The following CASKIN2 variants were observed in gnomAD, a reference collection of about 807,000 sequenced individuals.
CASKIN2 encodes caskin-2.
A neutral mutation model predicts 107.1 loss-of-function variants in CASKIN2; 41 were observed. That is an observed-to-expected ratio of 0.38 (90% confidence interval 0.30 to 0.50). The LOEUF (loss-of-function observed/expected upper bound fraction) is 0.50, where lower values mean the gene tolerates loss of function less well. Among genes scored for constraint, CASKIN2 ranks in the 20% least tolerant of loss-of-function variants. CASKIN2 has a pLI of 0.92. For missense variants in CASKIN2, 1,546 were observed against 1,657.4 expected (o/e 0.93, Z 1.17); for synonymous variants, 724 against 705.6 (o/e 1.03, Z -0.41).
At chr17:75,504,384 T>A in intron 13 of CASKIN2, 36 bp downstream of exon 13, 2 of 1,599,862 alleles carry the variant, frequency 1.3e-6, no homozygotes, top group Non-Finnish European at 1.7e-6. Flanking sequence ...TACTTGCACC[T>A]CTCCTAGCCA....
At chr17:75,509,546 G>T (rs2037998620) in intron 2 of CASKIN2, 1 of 984,762 alleles carries the variant, frequency 1.0e-6, no homozygotes, top group Non-Finnish European at 1.2e-6. Flanking sequence ...GAGGGACAAA[G>T]CGCTAAAGGG....
intron 3 of CASKIN2, 171 bp from the exon 4 acceptor site, chr17:75,507,852 G>C (rs988116619): frequency 6.6e-6 from 4 of 604,778 alleles, no homozygotes; most frequent in Non-Finnish European, 1.2e-5. Context: ...GCATGAAAGG[G>C]CTCAGTGTCT....
chr17:75,504,839 G>A lies in CASKIN2; in HGVS notation c.1165C>T (p.Arg389Trp), dbSNP rs376318435. 28 of 1,611,432 alleles carry A rather than the reference G, an allele frequency of 1.7e-5. No individual in the cohort carries two copies. Among genetic ancestry groups the A allele is most frequent in the African/African-American group, 2.7e-5 (2 of 74,866 alleles). Residue 389 changes from arginine (R) to tryptophan (W), a missense_variant, in exon 11 of 20, where the codon CGG (arginine) becomes TGG (tryptophan). Transcript: ENST00000321617. ...PHPLTYSQLP[R>W]VGLSPDSPAG... ...GGGCTGTCTGGGCTGAGGCCCACCCGAGGAAGCTGGCTGTAGGTAAGAGGG... is the reference window on the plus strand; with the variant it reads ...GGGCTGTCTGGGCTGAGGCCCACCCAAGGAAGCTGGCTGTAGGTAAGAGGG...
chr17:75,506,360 G>A lies in CASKIN2; in HGVS notation c.671C>T (p.Ala224Val), dbSNP rs1475093006. 10 of 1,611,794 alleles carry A rather than the reference G, an allele frequency of 6.2e-6. No homozygotes were observed. The highest frequency in any genetic ancestry group is 4.0e-5 in the African/African-American group (3 of 74,880). ...GCCATACAGTGCGGCCTCGTGGAGC[G>A]CCGTACCCGTCTTGGTCTGGCGGTT... ...EINRQTKTGT[A>V]LHEAALYGKT... is the part of the protein sequence containing the mutation. Residue 224 changes from alanine (A) to valine (V), a missense_variant, in exon 8 of 20, where the codon GCG becomes GTG. This residue lies in a region of CASKIN2 where 62 missense variants were observed against 81.1 expected (regional missense o/e 0.76). Coordinates refer to ENST00000321617, the MANE Select transcript of CASKIN2 (RefSeq NM_020753.5). This position sits in a 1 kb window ranked among gnomAD's most constrained non-coding sequence, Gnocchi z 4.8.
Position 75,509,548 on chromosome 17 carries a change from G to A in CASKIN2, c.95-1263C>T, listed in dbSNP as rs1001453499. 1.2e-5 allele frequency: 12 copies of A among 984,676 alleles called. No homozygotes were observed. In the South Asian group the frequency reaches 1.4e-4, roughly 12 times the overall value. 61.0% of individuals were successfully genotyped at this position (984,676 alleles called of 1,614,324 possible). A position where few individuals can be genotyped will look rare whatever the true frequency, so the allele number is the denominator to read the frequency against. ...AGACAGAGCCAGGGAGGGACAAAGCGCTAAAGGGGTTGTGGCCACTGGGAA... is the reference window on the plus strand; with the variant it reads ...AGACAGAGCCAGGGAGGGACAAAGCACTAAAGGGGTTGTGGCCACTGGGAA... On this transcript the variant is annotated intron_variant, in intron 2 of 19. Coordinates refer to ENST00000321617, the MANE Select transcript of CASKIN2 (RefSeq NM_020753.5).
In CASKIN2 at chr17:75,502,451, G is replaced by A. The variant is rs1470747277; in HGVS notation, c.2623C>T (p.Arg875Cys). Residue 875 changes from arginine to cysteine, a missense_variant, in exon 18 of 20, where the codon CGC becomes TGC. By Grantham distance (180) the Arg-to-Cys change is radical (BLOSUM62 -3). This residue lies in a region of CASKIN2 where 1,311 missense variants were observed against 1,311.0 expected (regional missense o/e 1.00). Transcript: ENST00000321617. The surrounding 1 kb of genome is among the most constrained non-coding windows in gnomAD (Gnocchi z 4.3). ...CTGGGGCCAGAGACGGAGCTGAGGC[G>A]CTTGGGGGGCGGGGGCGGGGGGCCT... ...RKGPPPPPPK[R>C]LSSVSGPSPE... 6 of 1,425,492 alleles carry A rather than the reference G, an allele frequency of 4.2e-6. No individual in the cohort carries two copies. The highest frequency in any genetic ancestry group is 1.8e-6 in the Non-Finnish European group (2 of 1,084,586). 88.3% of individuals were successfully genotyped at this position (1,425,492 alleles called of 1,614,324 possible). A position where few individuals can be genotyped will look rare whatever the true frequency, so the allele number is the denominator to read the frequency against.
intron 19 of CASKIN2, 103 bp downstream of exon 19, chr17:75,501,365 C>T (rs1169567189): frequency 1.5e-6 from 2 of 1,348,590 alleles, no homozygotes; most frequent in Non-Finnish European, 2.1e-6. Flanking sequence ...CCCGTTAGTG[C>T]CTGCAATGTC....
intron 2 of CASKIN2, 142 bp from the exon 3 acceptor site, chr17:75,508,427 G>T: frequency 1.1e-6 from 1 of 875,672 alleles, no homozygotes; most frequent in Non-Finnish European, 1.8e-6. Context: ...TCCCGTCCCT[G>T]TGGCTCCCCA....
Position 75,505,048 on chromosome 17 carries a change from C to G in CASKIN2, c.956G>C (p.Arg319Pro), listed in dbSNP as rs1006153036. ...ITVLEQHPDGRWKGHIHESQR... is the reference protein window; with the variant it reads ...ITVLEQHPDGPWKGHIHESQR... ...GCTCTCGTGGATGTGGCCCTTCCAG[C>G]GGCCGTCGGGATGCTGTTCTAGCAC... Residue 319 changes from arginine (R) to proline (P), a missense_variant, in exon 11 of 20, where the codon CGC (arginine) becomes CCC (proline). Arg to Pro is a moderately radical substitution (Grantham distance 103). Around this residue, in one of 6 missense-constraint regions of CASKIN2, gnomAD observed 1,311 missense variants for 1,311.0 expected, o/e 1.00. Transcript: ENST00000321617. The surrounding 1 kb of genome is among the most constrained non-coding windows in gnomAD (Gnocchi z 5.1). 4 of 1,611,428 alleles carry G rather than the reference C, an allele frequency of 2.5e-6. No individual in the cohort carries two copies. The highest frequency in any genetic ancestry group is 3.4e-6 in the Non-Finnish European group (4 of 1,179,624).
At position 75,504,438 on chromosome 17, in the gene CASKIN2, G is replaced by A. The variant is rs1417508378; in HGVS notation, c.1357C>T (p.His453Tyr). The A allele has an allele frequency of 6.2e-7, 1 of 1,607,280 alleles. No individual in the cohort carries two copies. The highest frequency in any genetic ancestry group is 8.5e-7 in the Non-Finnish European group (1 of 1,175,462). The change falls in exon 13 of 20, where the codon CAC becomes TAC. Residue 453 changes from histidine (H) to tyrosine (Y), a missense_variant. Transcript: ENST00000321617. ...TTCCTACCTGCCAGGGACGGCGGGT[G>A]GAGTCCTGGCAGCACCTGGTCCTCT... The part of the protein sequence containing the change: ...AGEDQVLPGL[H>Y]PPSLADNLSH...
rs1352630672 is a variant in CASKIN2, at chr17:75,503,387, ACCGAGCTTGTTGACC to A, written c.1806_1819+1del. 2.9e-5 allele frequency: 46 copies of A among 1,611,680 alleles called. No individual in the cohort carries two copies. The highest frequency in any genetic ancestry group is 3.9e-5 in the Non-Finnish European group (46 of 1,179,274). On this transcript the variant is annotated splice_donor_variant and coding_sequence_variant, in exon 17 of 20. Coordinates refer to ENST00000321617, the MANE Select transcript of CASKIN2 (RefSeq NM_020753.5). LOFTEE classifies it high-confidence loss of function. ...CCAGCCAGGCCTCAGGACAGTCCTTACCGAGCTTGTTGACCCCAATCTCCTGCAGCTCCTCCCAGG... is the reference window on the plus strand; with the variant it reads ...CCAGCCAGGCCTCAGGACAGTCCTTACCAATCTCCTGCAGCTCCTCCCAGG...
Position 75,501,460 on chromosome 17 carries a change from C to T in CASKIN2, c.3518+8G>A. ...GCCTTCTCTCCCTCCCCATCCGGCC[C>T]CCCTCACCCCTCTTGCTCCTTGGTG... On this transcript the variant is annotated splice_region_variant and intron_variant, in intron 19 of 19. Coordinates refer to ENST00000321617, the MANE Select transcript of CASKIN2 (RefSeq NM_020753.5). 1 of 1,602,282 alleles carries T rather than the reference C, an allele frequency of 6.2e-7. No individual in the cohort carries two copies. Among genetic ancestry groups the T allele is most frequent in the Non-Finnish European group, 8.5e-7 (1 of 1,171,484 alleles).
chr17:75,503,031 T>G lies in CASKIN2; in HGVS notation c.2043A>C (p.Ala681=). The G allele has an allele frequency of 6.2e-7, 1 of 1,606,262 alleles. No individual in the cohort carries two copies. Among genetic ancestry groups the G allele is most frequent in the Non-Finnish European group, 8.5e-7 (1 of 1,178,726 alleles). The stretch of plus-strand genomic sequence containing the variant: ...GGGGGAGTGGTTCAGGGCCACCCCC[T>G]GCCATGGCCGCCTGTAGCTCTGGGC... The part of the protein sequence containing the change: ...ELSPELQAAM[A]GGGPEPLPLP... Residue 681 remains alanine, a synonymous_variant, in exon 18 of 20, where the codon GCA becomes GCC. Transcript: ENST00000321617.
In CASKIN2 at chr17:75,501,502, C is replaced by A. The variant is rs140270094; in HGVS notation, c.3484G>T (p.Ala1162Ser). Residue 1162 changes from alanine to serine, a missense_variant, in exon 19 of 20, where the codon GCA becomes TCA. Coordinates refer to ENST00000321617, the MANE Select transcript of CASKIN2 (RefSeq NM_020753.5). ...SSSLAAALRA[A>S]EKSIGTKEQE... ...TCCTTGGTGCCAATGCTCTTCTCTGCGGCTCTCAGTGCAGCTGCCAGGGAC... is the reference window on the plus strand; with the variant it reads ...TCCTTGGTGCCAATGCTCTTCTCTGAGGCTCTCAGTGCAGCTGCCAGGGAC... 4.7e-3 allele frequency: 7,573 copies of A among 1,612,072 alleles called. 26 individuals are homozygous for A. Among genetic ancestry groups the A allele is most frequent in the Non-Finnish European group, 5.8e-3 (6,884 of 1,179,260 alleles).
rs1418661573 is a variant in CASKIN2, at chr17:75,513,642, C to A, written c.94+69G>T. 25 of 1,221,416 alleles carry A rather than the reference C, an allele frequency of 2.0e-5. 1 individual carries two copies. Among genetic ancestry groups the A allele is most frequent in the Non-Finnish European group, 3.0e-5 (25 of 827,878 alleles). 75.7% of individuals were successfully genotyped at this position (1,221,416 alleles called of 1,614,324 possible). On this transcript the variant is annotated intron_variant, in intron 2 of 19. Transcript: ENST00000321617. ...AATATGCAGATCACAGTGACCCACC[C>A]CCACCCACCAAGCCTCTGTGAACTG...
rs959100541 is a variant in CASKIN2, at chr17:75,505,742, C to T, written c.835+79G>A. 3.0e-5 allele frequency: 47 copies of T among 1,549,436 alleles called. 1 individual carries two copies. The highest frequency in any genetic ancestry group is 6.8e-5 in the East Asian group (3 of 44,400). On this transcript the variant is annotated intron_variant, in intron 9 of 19. Transcript: ENST00000321617. The surrounding 1 kb of genome is among the most constrained non-coding windows in gnomAD (Gnocchi z 5.1). ...GCCCTTGACAACCCTCCCCCAGGGA[C>T]GTCCACTCCCCCTCCACATCCTGGT...
chr17:75,513,306 ATGGTGGCACACACCTG>A (rs1398777734), intron 2 of CASKIN2, among the ~76,000 whole-genome samples: 2 of 151,624 alleles, frequency 1.3e-5, no homozygotes, highest in African/African-American at 4.9e-5. Flanking sequence ...TTAGCCGGGC[ATGGTGGCACACACCTG>A]TAATCCCAGC....
chr17:75,514,298 C>T (rs1009416012), intron 1 of CASKIN2, 90 bp from the exon 2 acceptor site: 3 of 402,356 alleles, frequency 7.5e-6, no homozygotes, highest in Non-Finnish European at 1.3e-5. Context: ...AGGACAAGAC[C>T]TCCAGGGAGC....
intron 2 of CASKIN2, among the ~76,000 whole-genome samples, chr17:75,513,302 G>A (rs527276894): frequency 2.0e-5 from 3 of 151,758 alleles, no homozygotes; most frequent in South Asian, 2.1e-4. Context: ...AAAATTAGCC[G>A]GGCATGGTGG....
Sources: gnomAD v4.1 joint callset for allele counts (sites outside exome capture counted in the v4.1 genomes callset) on GRCh38, gnomAD v4.1.1 for gene constraint, gnomAD v4.1.1 regional missense constraint, Gnocchi (gnomAD v3.1) non-coding constraint, MANE v1.5 for transcripts, NCBI Gene and HGNC (gene_info 2026-07-23, HGNC 2026-07-21) for gene names.